The following MTX1 variants were observed in gnomAD, a reference collection of about 807,000 sequenced individuals.
The protein encoded by MTX1 is metaxin-1.
MTX1 carries 20 observed loss-of-function variants against 39.4 expected under a neutral mutation model. The observed-to-expected ratio is 0.51, with a 90% CI of 0.36 to 0.74. The LOEUF (loss-of-function observed/expected upper bound fraction) is 0.74, where lower values mean the gene tolerates loss of function less well. MTX1 is among the 30% of genes least tolerant of loss of function. MTX1 has a pLI of 0.00. For synonymous variants in MTX1, 209 were observed against 198.6 expected, an observed-to-expected ratio of 1.05 and a Z score of -0.44; for missense variants, 481 against 485.9, an observed-to-expected ratio of 0.99 and a Z score of 0.10.
chr1:155,212,508 C>A lies in MTX1; in HGVS notation c.895C>A (p.Arg299=). Residue 299 remains arginine, a synonymous_variant, in exon 5 of 8, where the codon CGG becomes AGG. Coordinates refer to ENST00000368376, the MANE Select transcript of MTX1 (RefSeq NM_002455.5). ...PGRMQRQYME[R]LQLLTGEHRP... Reference sequence around the variant, plus strand: ...CCGCATGCAGCGGCAGTACATGGAACGGCTACAGCTGCTGACTGGGGAGCA... The same window carrying A: ...CCGCATGCAGCGGCAGTACATGGAAAGGCTACAGCTGCTGACTGGGGAGCA... 1 of 1,613,874 alleles carries A rather than the reference C, an allele frequency of 6.2e-7. No homozygotes were observed. Among genetic ancestry groups the A allele is most frequent in the Non-Finnish European group, 8.5e-7 (1 of 1,179,804 alleles).
At position 155,213,253 on chromosome 1, in the gene MTX1, G is replaced by A. The variant is rs1161226149; in HGVS notation, c.1048G>A (p.Ala350Thr). ...CTGCTCCAGCCCTGCCTCCTTGGACGCCTTCGTCTTCAGCTACTTGGCCCT... is the reference window on the plus strand; with the variant it reads ...CTGCTCCAGCCCTGCCTCCTTGGACACCTTCGTCTTCAGCTACTTGGCCCT... ...FFGDAPASLD[A>T]FVFSYLALLL... The change falls in exon 7 of 8, where the codon GCC (alanine) becomes ACC (threonine). Residue 350 changes from alanine to threonine, a missense_variant. By Grantham distance (58) the Ala-to-Thr change is moderately conservative. Coordinates refer to ENST00000368376, the MANE Select transcript of MTX1 (RefSeq NM_002455.5). 4 of 531,638 alleles carry A rather than the reference G, an allele frequency of 7.5e-6. No homozygotes were observed. The highest frequency in any genetic ancestry group is 2.7e-5 in the African/African-American group (1 of 36,732). The allele number at this position is 531,638 out of a possible 1,614,324, so 32.9% of individuals were successfully genotyped here.
rs1481303220 is a variant in MTX1 at position 155,209,284 on chromosome 1, A to C, written c.480A>C (p.Ser160=). 6.9e-7 allele frequency: 1 copy of C among 1,444,626 alleles called. No individual in the cohort carries two copies. Among genetic ancestry groups the C allele is most frequent in the African/African-American group, 1.5e-5 (1 of 68,796 alleles). The allele number at this position is 1,444,626 out of a possible 1,614,324, so 89.5% of individuals were successfully genotyped here. ...CGCCCATGGAGCTGTTCTGCTGGTC[A>C]GGGGGCTGGGGGCTGCCGTCAGTGG... The part of the protein sequence containing the change: ...MAAPMELFCW[S]GGWGLPSVDL... The change falls in exon 1 of 8, where the codon TCA becomes TCC. Residue 160 remains serine (S), a synonymous_variant. Transcript: ENST00000368376.
intron 2 of MTX1, 37 bp downstream of exon 2, chr1:155,210,452 A>G: frequency 1.9e-6 from 3 of 1,610,252 alleles, no homozygotes; most frequent in Non-Finnish European, 2.5e-6. Flanking sequence ...AAGGGTGTGT[A>G]CAAGGGGAGA....
rs1670917193 is a variant in MTX1 at position 155,208,885 on chromosome 1, G to C, written c.81G>C (p.Gln27His). ...CCTGGAGCAGTACAGGCCACGTGCA[G>C]TTTGGCAAGAGCCCCCAGACCTGGC... ...KGPWSSTGHV[Q>H]FGKSPQTWPR... The change falls in exon 1 of 8, where the codon CAG becomes CAC. Residue 27 changes from glutamine to histidine, a missense_variant. Physicochemically the swap from Gln to His is conservative, Grantham distance 24. Coordinates refer to ENST00000368376, the MANE Select transcript of MTX1 (RefSeq NM_002455.5). 1.2e-6 allele frequency: 2 copies of C among 1,611,642 alleles called. No individual in the cohort carries two copies. The highest frequency in any genetic ancestry group is 1.3e-5 in the African/African-American group (1 of 74,926).
intron 3 of MTX1, 140 bp from the exon 4 acceptor site, chr1:155,211,987 G>A (rs1302264099): frequency 4.3e-6 from 3 of 702,824 alleles, no homozygotes; most frequent in Non-Finnish European, 6.9e-6. Flanking sequence ...AGGCAAGGGG[G>A]CCTTGGCAGG....
chr1:155,209,181 C>T lies in MTX1; in HGVS notation c.377C>T (p.Ala126Val), dbSNP rs1557886823. 4.7e-6 allele frequency: 7 copies of T among 1,479,024 alleles called. No individual in the cohort carries two copies. Among genetic ancestry groups the T allele is most frequent in the Non-Finnish European group, 6.3e-6 (7 of 1,113,322 alleles). The allele number at this position is 1,479,024 out of a possible 1,614,324, so 91.6% of individuals were successfully genotyped here. Residue 126 changes from alanine to valine, a missense_variant, in exon 1 of 8, where the codon GCG becomes GTG. Physicochemically the swap from Ala to Val is moderately conservative, Grantham distance 64. Coordinates refer to ENST00000368376, the MANE Select transcript of MTX1 (RefSeq NM_002455.5). ...PLTATIGGAV[A>V]GGGPRQGRAE... ...ACCGCAACGATCGGAGGGGCGGTGG[C>T]GGGGGGCGGGCCCAGGCAGGGGAGG...
At position 155,210,839 on chromosome 1, in the gene MTX1, G is replaced by A. The variant is rs1301388086; in HGVS notation, c.678+212G>A. 2.2e-5 allele frequency: 13 copies of A among 584,360 alleles called. No homozygotes were observed. In the Admixed American group the frequency reaches 3.2e-4, roughly 15 times the overall value. 36.2% of individuals were successfully genotyped at this position (584,360 alleles called of 1,614,324 possible). On this transcript the variant is annotated intron_variant, in intron 3 of 7. Transcript: ENST00000368376. ...TGAAACTTAGGGCACTGTGAGGCAG[G>A]GAGGGAGAGGAGCACAGGCTGAAGG...
chr1:155,208,816 G>A lies in MTX1; in HGVS notation c.12G>A (p.Gly4=), dbSNP rs1381241583. 1 of 1,561,400 alleles carries A rather than the reference G, an allele frequency of 6.4e-7. No individual in the cohort carries two copies. The highest frequency in any genetic ancestry group is 8.7e-7 in the Non-Finnish European group (1 of 1,151,584). The change falls in exon 1 of 8, where the codon GGG becomes GGA. Residue 4 remains glycine, a synonymous_variant. Transcript: ENST00000368376. The part of the protein sequence containing the change: MLL[G]GPPRSPRSGT... The stretch of plus-strand genomic sequence containing the variant: ...GCGCTGTGGAAAACATGCTGCTCGG[G>A]GGACCCCCCCGCAGTCCCCGCTCGG...
chr1:155,210,397 C>T lies in MTX1; in HGVS notation c.580C>T (p.Pro194Ser). The T allele has an allele frequency of 6.2e-7, 1 of 1,614,186 alleles. No homozygotes were observed. Among genetic ancestry groups the T allele is most frequent in the South Asian group, 1.1e-5 (1 of 91,086 alleles). Residue 194 changes from proline (P) to serine (S), a missense_variant, in exon 2 of 8, where the codon CCC (proline) becomes TCC (serine). Pro to Ser is a moderately conservative substitution (Grantham distance 74). This residue lies in a region of MTX1 where 368 missense variants were observed against 332.8 expected (regional missense o/e 1.11). Transcript: ENST00000368376. ...APLKVHKISN[P>S]WQSPSGTLPA... ...ACTGAAGGTACACAAGATCAGCAACCCCTGGCAGAGCCCTTCAGGTACCCA... is the reference window on the plus strand; with the variant it reads ...ACTGAAGGTACACAAGATCAGCAACTCCTGGCAGAGCCCTTCAGGTACCCA...
chr1:155,208,711 G>C lies in MTX1; in HGVS notation c.-94G>C. On this transcript the variant is annotated 5_prime_UTR_variant, in exon 1 of 8. Transcript: ENST00000368376. ...CCCTCCCCCACCCAAGCCCCAGCCC[G>C]GCCTCCGCTCCGGCCGCCGCCACCG... The C allele has an allele frequency of 3.5e-4, 215 of 618,680 alleles. No homozygotes were observed. Among genetic ancestry groups the C allele is most frequent in the South Asian group, 5.7e-4 (19 of 33,246 alleles). The allele number at this position is 618,680 out of a possible 1,614,324, so 38.3% of individuals were successfully genotyped here.
chr1:155,209,351 G>A lies in MTX1; in HGVS notation c.528+19G>A. On this transcript the variant is annotated intron_variant, in intron 1 of 7. Transcript: ENST00000368376. ...CGTGCTGGTGAGGGGTGGCGCCGGC[G>A]CCCTCTGCTGTGCCCTGATGACTGG... The A allele has an allele frequency of 7.1e-7, 1 of 1,412,172 alleles. No individual in the cohort carries two copies. The highest frequency in any genetic ancestry group is 9.2e-7 in the Non-Finnish European group (1 of 1,086,906). The allele number at this position is 1,412,172 out of a possible 1,614,324, so 87.5% of individuals were successfully genotyped here. A position where few individuals can be genotyped will look rare whatever the true frequency, so the allele number is the denominator to read the frequency against.
At position 155,208,966 on chromosome 1, in the gene MTX1, C is replaced by T. The variant is rs753515109; in HGVS notation, c.162C>T (p.Gly54=). ...CTGCCGCGCCTTCAGGGGTTCGGGG[C>T]TCCACTTGGACGAGGCGCCGTGACT... ...PEPAAPSGVR[G]STWTRRRDSP... The change falls in exon 1 of 8, where the codon GGC becomes GGT. Residue 54 remains glycine (G), a synonymous_variant. Transcript: ENST00000368376. 2.5e-6 allele frequency: 4 copies of T among 1,607,960 alleles called. No homozygotes were observed. In the South Asian group the frequency reaches 3.3e-5, roughly 13 times the overall value.
chr1:155,212,849 G>C (rs1242483387), intron 6 of MTX1, 79 bp downstream of exon 6: 11 of 1,508,928 alleles, frequency 7.3e-6, no homozygotes, highest in Non-Finnish European at 9.8e-6. Context: ...GCTGGGGCTG[G>C]GGCTGGGGCT....
intron 1 of MTX1, among the ~76,000 whole-genome samples, chr1:155,209,587 C>T (rs958525680): frequency 6.6e-6 from 1 of 152,232 alleles, no homozygotes; most frequent in Non-Finnish European, 1.5e-5. Flanking sequence ...CATTCACTGG[C>T]TGTGTGACCT....
At chr1:155,212,265 G>A (rs748478220) in intron 4 of MTX1, 46 bp downstream of exon 4, 4 of 1,595,214 alleles carry the variant, frequency 2.5e-6, no homozygotes, top group Non-Finnish European at 3.4e-6. Context: ...GCCGGGGAGG[G>A]TTCGGGAACA....
chr1:155,212,850 G>A, intron 6 of MTX1, 80 bp downstream of exon 6: 1 of 1,509,118 alleles, frequency 6.6e-7, no homozygotes. Flanking sequence ...CTGGGGCTGG[G>A]GCTGGGGCTG....
intron 3 of MTX1, chr1:155,211,328 A>T (rs1366186661): frequency 6.5e-6 from 1 of 152,870 alleles, no homozygotes; most frequent in Non-Finnish European, 1.5e-5. Flanking sequence ...CACTGCCCTG[A>T]TTGCTTAGGT....
Position 155,209,152 on chromosome 1 carries a change from C to A in MTX1, c.348C>A (p.Pro116=). 1 of 1,517,424 alleles carries A rather than the reference C, an allele frequency of 6.6e-7. No homozygotes were observed. The highest frequency in any genetic ancestry group is 8.9e-7 in the Non-Finnish European group (1 of 1,129,346). 94.0% of individuals were successfully genotyped at this position (1,517,424 alleles called of 1,614,324 possible). ...SLASPGISPG[P]LTATIGGAVA... Reference sequence around the variant, plus strand: ...CCTCCCCGGGGATCTCCCCAGGCCCCCTGACCGCAACGATCGGAGGGGCGG... The same window carrying A: ...CCTCCCCGGGGATCTCCCCAGGCCCACTGACCGCAACGATCGGAGGGGCGG... The change falls in exon 1 of 8, where the codon CCC becomes CCA. Residue 116 remains proline (P), a synonymous_variant. Coordinates refer to ENST00000368376, the MANE Select transcript of MTX1 (RefSeq NM_002455.5).
Position 155,212,173 on chromosome 1 carries a change from C to A in MTX1, c.725C>A (p.Thr242Asn), listed in dbSNP as rs1557890712. Residue 242 changes from threonine to asparagine, a missense_variant, in exon 4 of 8, where the codon ACC becomes AAC. By Grantham distance (65) the Thr-to-Asn change is moderately conservative (BLOSUM62 0). Transcript: ENST00000368376. ...CTGTCAGCTCGGCAAGGGGCAGACA[C>A]CCTGGCCTTCATGTCTCTCCTGGAG... ...YDLSARQGAD[T>N]LAFMSLLEEK... 1 of 1,612,492 alleles carries A rather than the reference C, an allele frequency of 6.2e-7. No individual in the cohort carries two copies. The highest frequency in any genetic ancestry group is 1.3e-5 in the African/African-American group (1 of 74,894).
Sources: allele counts gnomAD v4.1 joint callset (sites outside exome capture counted in the v4.1 genomes callset), GRCh38; gene constraint gnomAD v4.1.1; regional missense constraint gnomAD v4.1.1; transcripts MANE v1.5; gene names NCBI Gene and HGNC (gene_info 2026-07-23, HGNC 2026-07-21).